MRPS35: variants seen among roughly 807,000 people sequenced by gnomAD.
The protein encoded by MRPS35 is mitochondrial ribosomal protein S35, also known as small ribosomal subunit protein mS35.
In MRPS35, 29 loss-of-function variants were observed where a neutral mutation model predicts 32.7. That is an observed-to-expected ratio of 0.89 (90% confidence interval 0.66 to 1.21). The LOEUF is 1.21. Ranked by LOEUF, MRPS35 falls within the 50% of genes most tolerant of loss-of-function variation. The probability of loss-of-function intolerance (pLI) is 0.00; values close to 1 mark genes in which losing one functional copy is unlikely to be tolerated. For missense variants in MRPS35, 373 were observed against 383.8 expected (o/e 0.97, Z 0.23); for synonymous variants, 148 against 139.3 (o/e 1.06, Z -0.44).
chr12:27,721,999 G>A (rs2061877610), intron 4 of MRPS35, among the ~76,000 whole-genome samples: 2 of 152,252 alleles, frequency 1.3e-5, no homozygotes, highest in African/African-American at 4.8e-5. Context: ...TGAGGTGGAC[G>A]ACAGAGTGAG....
chr12:27,726,185 A>G (rs974625775), intron 5 of MRPS35, among the ~76,000 whole-genome samples: 1 of 151,874 alleles, frequency 6.6e-6, no homozygotes, highest in African/African-American at 2.4e-5. Context: ...ACCATCCTCA[A>G]GCCCCTTTTA....
chr12:27,725,137 A>C (rs1247006697), intron 5 of MRPS35, among the ~76,000 whole-genome samples: 1 of 152,048 alleles, frequency 6.6e-6, no homozygotes, highest in Non-Finnish European at 1.5e-5. Flanking sequence ...GCTTTTCTTG[A>C]ACTCCTGGCT....
At chr12:27,734,681 C>T (rs2061936459) in intron 5 of MRPS35, among the ~76,000 whole-genome samples, 1 of 152,132 alleles carries the variant, frequency 6.6e-6, no homozygotes, top group Non-Finnish European at 1.5e-5. Flanking sequence ...TGAACCGTTC[C>T]TTGAAAAGTG....
chr12:27,718,954 G>A (rs1302718793), intron 3 of MRPS35, among the ~76,000 whole-genome samples: 1 of 152,176 alleles, frequency 6.6e-6, no homozygotes, highest in East Asian at 1.9e-4. Context: ...GGGCATAGTG[G>A]CACATGCCTG....
intron 5 of MRPS35, among the ~76,000 whole-genome samples, chr12:27,730,685 G>C (rs1391930873): frequency 6.6e-6 from 1 of 152,054 alleles, no homozygotes; most frequent in Non-Finnish European, 1.5e-5. Context: ...TGCCAGGGCT[G>C]GTCTGGAACT....
chr12:27,734,700 C>T (rs2061936498), intron 5 of MRPS35, among the ~76,000 whole-genome samples: 1 of 152,116 alleles, frequency 6.6e-6, no homozygotes, highest in Admixed American at 6.5e-5. Context: ...TGGAATCTGA[C>T]GTCAAATAAA....
chr12:27,744,514 C>T (rs2061975477), intron 7 of MRPS35, among the ~76,000 whole-genome samples: 2 of 152,156 alleles, frequency 1.3e-5, no homozygotes, highest in Non-Finnish European at 2.9e-5. Flanking sequence ...CAAATACTTG[C>T]TTCTGTGAGT....
chr12:27,753,569 G>T (rs1454373631), intron 7 of MRPS35, among the ~76,000 whole-genome samples: 1 of 152,070 alleles, frequency 6.6e-6, no homozygotes, highest in Middle Eastern at 3.2e-3. Flanking sequence ...CTCTTTGAAG[G>T]GGATTTTCTA....
intron 7 of MRPS35, among the ~76,000 whole-genome samples, chr12:27,753,484 G>A (rs1310181250): frequency 3.9e-5 from 6 of 152,030 alleles, no homozygotes; most frequent in East Asian, 1.9e-4. Context: ...AGGGTGGCAC[G>A]GGTGGAAACC....
intron 7 of MRPS35, among the ~76,000 whole-genome samples, chr12:27,741,565 G>A (rs994420279): frequency 4.6e-5 from 7 of 152,112 alleles, no homozygotes; most frequent in Non-Finnish European, 7.4e-5. Context: ...GGCAGAGTTT[G>A]TACAAGTAAA....
chr12:27,726,013 A>G (rs537692689), intron 5 of MRPS35, among the ~76,000 whole-genome samples: 6 of 145,350 alleles, frequency 4.1e-5, no homozygotes, highest in African/African-American at 1.5e-4. Context: ...TTTTGCCATG[A>G]TGCCCAGGCT....
intron 4 of MRPS35, among the ~76,000 whole-genome samples, chr12:27,721,646 A>G (rs1325715123): frequency 6.6e-6 from 1 of 152,172 alleles, no homozygotes; most frequent in Non-Finnish European, 1.5e-5. Context: ...ACAAAGTGAG[A>G]TCCTGTCTCA....
At position 27,722,574 on chromosome 12, in the gene MRPS35, C is replaced by G. The variant is rs539691693; in HGVS notation, c.383-1473C>G. On this transcript the variant is annotated intron_variant, in intron 4 of 7. Transcript: ENST00000081029. ...CAAACCCAAGAGCTCACAAAATTCC[C>G]CAAACTAGTCTCTCTTATAAAGTGC... Among the ~76,000 whole-genome samples, 127 of 152,028 alleles carry G rather than the reference C, an allele frequency of 8.4e-4. 1 individual carries two copies. The highest frequency in any genetic ancestry group is 2.9e-3 in the African/African-American group (121 of 41,458).
At chr12:27,742,639 A>T (rs1484352039) in intron 7 of MRPS35, among the ~76,000 whole-genome samples, 1 of 152,168 alleles carries the variant, frequency 6.6e-6, no homozygotes, top group African/African-American at 2.4e-5. Flanking sequence ...TATAGAACTA[A>T]CAGGGCCAAG....
At chr12:27,726,569 G>A (rs1380671983) in intron 5 of MRPS35, among the ~76,000 whole-genome samples, 3 of 152,094 alleles carry the variant, frequency 2.0e-5, no homozygotes, top group African/African-American at 7.3e-5. Flanking sequence ...CTGCCAAACT[G>A]TTTTTGAAAA....
intron 7 of MRPS35, among the ~76,000 whole-genome samples, chr12:27,747,281 C>G (rs1201467963): frequency 6.6e-6 from 1 of 152,110 alleles, no homozygotes; most frequent in Non-Finnish European, 1.5e-5. Flanking sequence ...GTTTCCTGCC[C>G]ATCTGTTTTC....
chr12:27,733,015 T>G (rs1223133109), intron 5 of MRPS35, among the ~76,000 whole-genome samples: 5 of 36,166 alleles, frequency 1.4e-4, no homozygotes, highest in African/African-American at 9.2e-5. Context: ...TATATATATA[T>G]ATATATATAT....
intron 3 of MRPS35, among the ~76,000 whole-genome samples, chr12:27,719,309 G>A (rs2061863463): frequency 6.6e-6 from 1 of 152,124 alleles, no homozygotes; most frequent in African/African-American, 2.4e-5. Flanking sequence ...ACTTGGTGCT[G>A]AATCTATATT....
intron 7 of MRPS35, among the ~76,000 whole-genome samples, chr12:27,743,886 G>A (rs988414458): frequency 6.6e-6 from 1 of 152,168 alleles, no homozygotes; most frequent in African/African-American, 2.4e-5. Flanking sequence ...AGAGAGAGAG[G>A]AAGGAAATTC....
Sources: gnomAD v4.1 joint callset for allele counts (sites outside exome capture counted in the v4.1 genomes callset) on GRCh38, gnomAD v4.1.1 for gene constraint, MANE v1.5 for transcripts, NCBI Gene and HGNC (gene_info 2026-07-23, HGNC 2026-07-21) for gene names.